PTPN5: variants seen among roughly 807,000 people sequenced by gnomAD.
PTPN5 encodes tyrosine-protein phosphatase non-receptor type 5.
Under a neutral mutation model 73.9 loss-of-function variants are expected in PTPN5, and 29 were observed. The ratio of observed to expected loss-of-function variants is 0.39; its 90% CI spans 0.29 to 0.54. The LOEUF is 0.54. Ranked by LOEUF, PTPN5 falls within the 20% of genes least tolerant of loss-of-function variation. The pLI is 0.65. For missense variants in PTPN5, 652 were observed against 751.4 expected (o/e 0.87, Z 1.55); for synonymous variants, 267 against 304.7 (o/e 0.88, Z 1.29).
chr11:18,729,715 A>G lies in PTPN5; in HGVS notation c.1433T>C (p.Val478Ala). The change falls in exon 13 of 15, where the codon GTG becomes GCG. Residue 478 changes from valine (V) to alanine (A), a missense_variant. Around this residue, in one of 3 missense-constraint regions of PTPN5, gnomAD observed 102 missense variants for 160.5 expected, o/e 0.64. Coordinates refer to ENST00000358540, the MANE Select transcript of PTPN5 (RefSeq NM_006906.2). This position sits in a 1 kb window ranked among gnomAD's most constrained non-coding sequence, Gnocchi z 5.2. ...APPLLHLVRE[V>A]EEAAQQEGPH... The stretch of plus-strand genomic sequence containing the variant: ...CCCCTCCTGCTGGGCTGCCTCCTCC[A>G]CCTCCCGCACCAGGTGCAGGAGTGG... 6.3e-7 allele frequency: 1 copy of G among 1,589,106 alleles called. No individual in the cohort carries two copies. The highest frequency in any genetic ancestry group is 8.6e-7 in the Non-Finnish European group (1 of 1,164,026).
Position 18,744,031 on chromosome 11 carries a change from C to A in PTPN5, c.266G>T (p.Cys89Phe). The part of the protein sequence containing the change: ...SHSLTVRSSL[C>F]LFAASQFLLA... Reference sequence around the variant, plus strand: ...CAGGAACTGTGAGGCAGCGAACAGGCACAGGCTGCTCCTGACAGTGAGGGA... The same window carrying A: ...CAGGAACTGTGAGGCAGCGAACAGGAACAGGCTGCTCCTGACAGTGAGGGA... The change falls in exon 4 of 15, where the codon TGC (cysteine) becomes TTC (phenylalanine). Residue 89 changes from cysteine (C) to phenylalanine (F), a missense_variant. By Grantham distance (205) the Cys-to-Phe change is radical. Transcript: ENST00000358540. 6.2e-7 allele frequency: 1 copy of A among 1,607,802 alleles called. No homozygotes were observed. Among genetic ancestry groups the A allele is most frequent in the Non-Finnish European group, 8.5e-7 (1 of 1,177,254 alleles).
chr11:18,781,630 C>T (rs1011988028), intron 1 of PTPN5, among the ~76,000 whole-genome samples: 1 of 151,990 alleles, frequency 6.6e-6, no homozygotes, highest in African/African-American at 2.4e-5. Context: ...TTTATTAGCT[C>T]CAGGGGGTGG....
chr11:18,743,210 G>T, intron 5 of PTPN5, 112 bp downstream of exon 5: 4 of 1,253,710 alleles, frequency 3.2e-6, no homozygotes, highest in Non-Finnish European at 4.7e-6. Context: ...AACTTCAGGG[G>T]CTTGGAAGTA....
At chr11:18,788,067 C>T (rs1327473481) in intron 1 of PTPN5, among the ~76,000 whole-genome samples, 1 of 152,172 alleles carries the variant, frequency 6.6e-6, no homozygotes, top group East Asian at 1.9e-4. Context: ...GCCATTCAGC[C>T]TCAAAGCCTT....
chr11:18,770,415 T>C (rs1227267974), intron 2 of PTPN5, among the ~76,000 whole-genome samples: 1 of 152,252 alleles, frequency 6.6e-6, no homozygotes, highest in East Asian at 1.9e-4. Context: ...TTTTGTGCTT[T>C]TGTGTTTGGC....
At chr11:18,768,529 C>T (rs915034923) in intron 2 of PTPN5, among the ~76,000 whole-genome samples, 12 of 152,228 alleles carry the variant, frequency 7.9e-5, no homozygotes, top group African/African-American at 2.9e-4. Flanking sequence ...GAAGGGGACC[C>T]ATGTGTGACT....
chr11:18,782,353 G>A (rs779915268), intron 1 of PTPN5, among the ~76,000 whole-genome samples: 9 of 151,784 alleles, frequency 5.9e-5, no homozygotes, highest in Non-Finnish European at 1.2e-4. Context: ...TCAGCCTCCC[G>A]AGTAGCTGGG....
rs1025748820 is a variant in PTPN5 at position 18,733,851 on chromosome 11, C to T, written c.1001-216G>A. Among the ~76,000 whole-genome samples, 5 of 152,178 alleles carry T rather than the reference C, an allele frequency of 3.3e-5. No individual in the cohort carries two copies. The highest frequency in any genetic ancestry group is 7.4e-5 in the Non-Finnish European group (5 of 68,018). The stretch of plus-strand genomic sequence containing the variant: ...TGGAGAGAGAGGGGGGTCCCCGGGT[C>T]TCTACCTCTGTCTCTATCCTTAGCC... On this transcript the variant is annotated intron_variant, in intron 9 of 14. Transcript: ENST00000358540. The surrounding 1 kb of genome is among the most constrained non-coding windows in gnomAD (Gnocchi z 4.3).
chr11:18,778,165 TTCA>T (rs959936563), intron 1 of PTPN5, among the ~76,000 whole-genome samples: 1 of 152,182 alleles, frequency 6.6e-6, no homozygotes, highest in Non-Finnish European at 1.5e-5. Flanking sequence ...CCTCAGTTTC[TTCA>T]TCTTTAAAAT....
intron 1 of PTPN5, among the ~76,000 whole-genome samples, chr11:18,782,463 G>T (rs1851482513): frequency 6.6e-6 from 1 of 152,154 alleles, no homozygotes; most frequent in African/African-American, 2.4e-5. Flanking sequence ...CCTGACCTCA[G>T]ATGATCCACC....
chr11:18,789,223 C>T (rs1851804106), intron 1 of PTPN5, among the ~76,000 whole-genome samples: 1 of 152,194 alleles, frequency 6.6e-6, no homozygotes, highest in Non-Finnish European at 1.5e-5. Context: ...GTGTTAGGGA[C>T]TGTACTAAGT....
intron 3 of PTPN5, among the ~76,000 whole-genome samples, chr11:18,755,519 A>G (rs1462616295): frequency 6.6e-6 from 1 of 152,074 alleles, no homozygotes; most frequent in Non-Finnish European, 1.5e-5. Context: ...CAATGAGGAG[A>G]GACAGGCCTA....
chr11:18,785,735 A>G (rs972419648), intron 1 of PTPN5, among the ~76,000 whole-genome samples: 1 of 152,214 alleles, frequency 6.6e-6, no homozygotes, highest in Non-Finnish European at 1.5e-5. Flanking sequence ...GACTCTTCAG[A>G]AAGACACTTC....
chr11:18,776,918 T>C (rs1398582963), intron 1 of PTPN5, among the ~76,000 whole-genome samples: 1 of 152,128 alleles, frequency 6.6e-6, no homozygotes, highest in Non-Finnish European at 1.5e-5. Context: ...TCCCAGAACT[T>C]TGGGAGGCCG....
chr11:18,779,564 T>C (rs115445612), intron 1 of PTPN5, among the ~76,000 whole-genome samples: 1,622 of 152,230 alleles, frequency 0.011, 24 homozygotes, highest in African/African-American at 0.037. Flanking sequence ...GCAGGAGCTA[T>C]AGGCACTTAA....
At chr11:18,781,506 G>C (rs1851430167) in intron 1 of PTPN5, among the ~76,000 whole-genome samples, 1 of 151,896 alleles carries the variant, frequency 6.6e-6, no homozygotes, top group Non-Finnish European at 1.5e-5. Flanking sequence ...TTTTAGTAGA[G>C]ATGGGGTTTC....
Position 18,729,666 on chromosome 11 carries a change from G to A in PTPN5, c.1482C>T (p.Val494=). The part of the protein sequence containing the change: ...QEGPHCAPII[V]HCSAGIGRTG... ...TGGCTGGGAGGACCCACCTGCAGTGGACGATGATGGGGGCACAGTGGGGCC... is the reference window on the plus strand; with the variant it reads ...TGGCTGGGAGGACCCACCTGCAGTGAACGATGATGGGGGCACAGTGGGGCC... The change falls in exon 13 of 15, where the codon GTC becomes GTT. Residue 494 remains valine, a synonymous_variant. Transcript: ENST00000358540. The surrounding 1 kb of genome is among the most constrained non-coding windows in gnomAD (Gnocchi z 5.2). 2 of 1,573,418 alleles carry A rather than the reference G, an allele frequency of 1.3e-6. No individual in the cohort carries two copies. Among genetic ancestry groups the A allele is most frequent in the Non-Finnish European group, 1.7e-6 (2 of 1,160,572 alleles).
chr11:18,783,595 G>A (rs1334349988), intron 1 of PTPN5, among the ~76,000 whole-genome samples: 1 of 152,158 alleles, frequency 6.6e-6, no homozygotes, highest in Non-Finnish European at 1.5e-5. Context: ...CCTGCAAATT[G>A]AGGATAACAG....
chr11:18,730,568 A>G (rs1848830293), intron 12 of PTPN5: 1 of 152,220 alleles, frequency 6.6e-6, no homozygotes, highest in Non-Finnish European at 1.5e-5. Flanking sequence ...GTGCTCTTAC[A>G]AAAGGAGCTT....
Sources: allele counts gnomAD v4.1 joint callset (sites outside exome capture counted in the v4.1 genomes callset), GRCh38; gene constraint gnomAD v4.1.1; regional missense constraint gnomAD v4.1.1; non-coding constraint Gnocchi (gnomAD v3.1); transcripts MANE v1.5; gene names NCBI Gene and HGNC (gene_info 2026-07-23, HGNC 2026-07-21).